The following PTPN4 variants were observed in gnomAD, a reference collection of about 807,000 sequenced individuals.
The protein encoded by PTPN4 is protein tyrosine phosphatase non-receptor type 4.
In PTPN4, 49 loss-of-function variants were observed where a neutral mutation model predicts 135.5. The observed-to-expected ratio is 0.36, with a 90% CI of 0.29 to 0.46. The LOEUF (loss-of-function observed/expected upper bound fraction) is 0.46. Ranked by LOEUF, PTPN4 falls within the 20% of genes least tolerant of loss-of-function variation. The probability of loss-of-function intolerance (pLI) is 1.00; values close to 1 mark genes in which losing one functional copy is unlikely to be tolerated. For synonymous variants in PTPN4, 333 were observed against 369.9 expected, an observed-to-expected ratio of 0.90 and a Z score of 1.14; for missense variants, 860 against 1,101.0, an observed-to-expected ratio of 0.78 and a Z score of 3.10.
At chr2:119,876,003 C>T (rs1053289183) in intron 3 of PTPN4, among the ~76,000 whole-genome samples, 5 of 152,124 alleles carry the variant, frequency 3.3e-5, no homozygotes, top group African/African-American at 1.2e-4. Flanking sequence ...TAAGCTGAGA[C>T]TTACGGATAA....
At chr2:119,974,516 A>T (rs952341374) in intron 26 of PTPN4, among the ~76,000 whole-genome samples, 5 of 151,800 alleles carry the variant, frequency 3.3e-5, no homozygotes, top group Non-Finnish European at 5.9e-5. Flanking sequence ...GCCTGTAGTT[A>T]TTTTTCTTAG....
intron 23 of PTPN4, among the ~76,000 whole-genome samples, chr2:119,962,241 G>A (rs1679376169): frequency 6.6e-6 from 1 of 152,152 alleles, no homozygotes; most frequent in Non-Finnish European, 1.5e-5. Flanking sequence ...GATCACCTGA[G>A]GTCAGGAGTT....
At chr2:119,837,053 G>T (rs993552746) in intron 2 of PTPN4, among the ~76,000 whole-genome samples, 2 of 152,220 alleles carry the variant, frequency 1.3e-5, no homozygotes, top group Non-Finnish European at 2.9e-5. Flanking sequence ...TTCAAGCCAG[G>T]GATGACCAGA....
intron 13 of PTPN4, among the ~76,000 whole-genome samples, chr2:119,930,100 A>G (rs1197747565): frequency 6.6e-6 from 1 of 152,166 alleles, no homozygotes; most frequent in Non-Finnish European, 1.5e-5. Flanking sequence ...TTGCACTGCA[A>G]TATGAGGGAG....
At chr2:119,784,766 G>A (rs1194561681) in intron 1 of PTPN4, among the ~76,000 whole-genome samples, 1 of 135,716 alleles carries the variant, frequency 7.4e-6, no homozygotes, top group Non-Finnish European at 1.5e-5. Flanking sequence ...TCGAACTCCT[G>A]AGCTCAAGCA....
intron 9 of PTPN4, among the ~76,000 whole-genome samples, chr2:119,886,715 G>C (rs1171708820): frequency 1.3e-5 from 2 of 152,206 alleles, no homozygotes; most frequent in East Asian, 3.8e-4. Context: ...TTAATACTCA[G>C]ACACTCACAG....
At chr2:119,938,124 A>ATTTTTT (rs370292419) in intron 15 of PTPN4, among the ~76,000 whole-genome samples, 1 of 117,780 alleles carries the variant, frequency 8.5e-6, no homozygotes, top group African/African-American at 3.2e-5. Flanking sequence ...ATGTGGGATA[A>ATTTTTT]TTTTTTTTTT....
At chr2:119,901,899 G>GAT (rs1678410010) in intron 10 of PTPN4, among the ~76,000 whole-genome samples, 1 of 152,026 alleles carries the variant, frequency 6.6e-6, no homozygotes, top group South Asian at 2.1e-4. Flanking sequence ...TGAGCTTGAA[G>GAT]ATATGTCAAT....
intron 2 of PTPN4, among the ~76,000 whole-genome samples, chr2:119,829,854 C>T (rs1374158759): frequency 1.3e-5 from 2 of 152,160 alleles, no homozygotes; most frequent in Non-Finnish European, 2.9e-5. Context: ...TTCTGGATCA[C>T]GTGATAATTC....
intron 26 of PTPN4, among the ~76,000 whole-genome samples, chr2:119,975,994 TATTTA>T (rs1558780365): frequency 3.9e-5 from 4 of 102,214 alleles, no homozygotes; most frequent in African/African-American, 1.5e-4. Flanking sequence ...TTTATTTATT[TATTTA>T]TTTTTTTTTT....
intron 2 of PTPN4, among the ~76,000 whole-genome samples, chr2:119,831,035 GA>G (rs1191389968): frequency 6.6e-6 from 1 of 152,170 alleles, no homozygotes; most frequent in African/African-American, 2.4e-5. Context: ...TGGTTTCAAG[GA>G]AGACAATTTT....
intron 2 of PTPN4, among the ~76,000 whole-genome samples, chr2:119,822,999 A>T (rs1183813557): frequency 6.6e-6 from 1 of 152,182 alleles, no homozygotes; most frequent in Non-Finnish European, 1.5e-5. Context: ...TGGGGACTAT[A>T]ACAAGAGTCA....
At chr2:119,926,963 A>ATT (rs911332797) in intron 13 of PTPN4, among the ~76,000 whole-genome samples, 11 of 152,040 alleles carry the variant, frequency 7.2e-5, no homozygotes, top group African/African-American at 2.7e-4. Context: ...TTTTTTAAAC[A>ATT]TTTTTGAGAA....
chr2:119,942,791 G>A (rs552172474), intron 15 of PTPN4, among the ~76,000 whole-genome samples: 13 of 152,270 alleles, frequency 8.5e-5, no homozygotes, highest in Admixed American at 1.3e-4. Context: ...GTAGTAGGCC[G>A]TGGTTGAGTT....
At chr2:119,888,773 A>G (rs919478378) in intron 9 of PTPN4, among the ~76,000 whole-genome samples, 1 of 152,024 alleles carries the variant, frequency 6.6e-6, no homozygotes, top group Non-Finnish European at 1.5e-5. Flanking sequence ...CACTAGGGAT[A>G]TTGGCCTGTA....
chr2:119,868,627 C>T (rs907233904), intron 3 of PTPN4, among the ~76,000 whole-genome samples: 15 of 152,190 alleles, frequency 9.9e-5, no homozygotes, highest in African/African-American at 1.4e-4. Context: ...CGGAAAACCG[C>T]TTAAAGGCAT....
rs1228599213 is a variant in PTPN4, at chr2:119,979,143, T to G, written c.*2073T>G. 2 of 152,060 alleles carry G rather than the reference T, an allele frequency of 1.3e-5. No homozygotes were observed. Among genetic ancestry groups the G allele is most frequent in the African/African-American group, 2.4e-5 (1 of 41,436 alleles). The allele number at this position is 152,060 out of a possible 1,614,324, so 9.4% of individuals were successfully genotyped here. A position where few individuals can be genotyped will look rare whatever the true frequency, so the allele number is the denominator to read the frequency against. ...AAATTAAAAACTGAGAAAGTAAAAT[T>G]ATGTCGGGGTCTACACATTAAATGA... On this transcript the variant is annotated 3_prime_UTR_variant, in exon 27 of 27. Coordinates refer to ENST00000263708, the MANE Select transcript of PTPN4 (RefSeq NM_002830.4).
At chr2:119,960,472 T>C (rs1679350246) in intron 22 of PTPN4, among the ~76,000 whole-genome samples, 1 of 152,226 alleles carries the variant, frequency 6.6e-6, no homozygotes, top group African/African-American at 2.4e-5. Context: ...AATTCTGTGT[T>C]AAGCTGCTTT....
chr2:119,856,092 C>T (rs968416475), intron 2 of PTPN4, among the ~76,000 whole-genome samples: 3 of 152,186 alleles, frequency 2.0e-5, no homozygotes, highest in Admixed American at 6.5e-5. Context: ...GCATGAGCCA[C>T]CGCGCCCAGC....
Sources: gnomAD v4.1 joint callset for allele counts (sites outside exome capture counted in the v4.1 genomes callset) on GRCh38, gnomAD v4.1.1 for gene constraint, MANE v1.5 for transcripts, NCBI Gene and HGNC (gene_info 2026-07-23, HGNC 2026-07-21) for gene names.